The following MASP2 variants were observed in gnomAD, a reference collection of about 807,000 sequenced individuals.
MASP2 encodes the protein MBL associated serine protease 2.
Under a neutral mutation model 57.1 loss-of-function variants are expected in MASP2, and 49 were observed. The observed-to-expected ratio is 0.86, with a 90% CI of 0.68 to 1.09. The LOEUF (loss-of-function observed/expected upper bound fraction) is 1.09, where lower values mean the gene tolerates loss of function less well. MASP2 is among the 50% of genes least tolerant of loss of function. The pLI is 0.00. For synonymous variants in MASP2, 379 were observed against 340.8 expected (o/e 1.11, Z -1.24); for missense variants, 900 against 874.8 (o/e 1.03, Z -0.36).
chr1:11,041,750 G>GGATAGATAGA (rs1638455186), intron 6 of MASP2, among the ~76,000 whole-genome samples: 2 of 770 alleles, frequency 2.6e-3, no homozygotes, highest in African/African-American at 4.7e-3. Flanking sequence ...GAATGGGTGG[G>GGATAGATAGA]TGGGTGGATG....
At chr1:11,044,284 C>T (rs916679201) in intron 4 of MASP2, among the ~76,000 whole-genome samples, 8 of 152,102 alleles carry the variant, frequency 5.3e-5, no homozygotes, top group African/African-American at 9.7e-5. Flanking sequence ...GCTGCTGCCA[C>T]GGGCGGGGTG....
intron 5 of MASP2, 87 bp from the exon 6 acceptor site, chr1:11,043,109 A>G: frequency 6.8e-7 from 1 of 1,462,870 alleles, no homozygotes; most frequent in East Asian, 2.3e-5. Context: ...TCAGCATTTC[A>G]GGGACAGCCA....
At chr1:11,043,807 G>A (rs897274254) in intron 4 of MASP2, among the ~76,000 whole-genome samples, 8 of 151,964 alleles carry the variant, frequency 5.3e-5, no homozygotes, top group Admixed American at 2.0e-4. Flanking sequence ...GGGATGGAGC[G>A]CACAGGCCCT....
chr1:11,043,441 G>T lies in MASP2; in HGVS notation c.639C>A (p.Tyr213Ter). Residue 213 changes from tyrosine (Y) to a stop codon, truncating the protein, a stop_gained, in exon 5 of 11, where the codon TAC (tyrosine) becomes TAA (stop). Coordinates refer to ENST00000400897, the MANE Select transcript of MASP2 (RefSeq NM_006610.4). LOFTEE classifies it high-confidence loss of function. ...TGAACCCCTCCTCCAGGCTGATGCT[G>T]TAAGTGCAACTGGAGAGTTTGGGAT... ...RPYPKLSSCT[Y>*]SISLEEGFSV... The T allele has an allele frequency of 6.2e-7, 1 of 1,610,880 alleles. No homozygotes were observed.
intron 6 of MASP2, 146 bp downstream of exon 6, chr1:11,042,729 G>T: frequency 1.1e-6 from 1 of 882,690 alleles, no homozygotes; most frequent in Non-Finnish European, 1.7e-6. Flanking sequence ...TTAGAAGACT[G>T]CTGCCTCAGA....
intron 8 of MASP2, 92 bp from the exon 9 acceptor site, chr1:11,030,974 G>C: frequency 7.4e-7 from 1 of 1,342,972 alleles, no homozygotes. Flanking sequence ...AGGCTGAGGC[G>C]GGCAAATCCC....
chr1:11,045,315 G>C (rs772694513), intron 4 of MASP2, 93 bp downstream of exon 4: 9 of 1,583,062 alleles, frequency 5.7e-6, no homozygotes, highest in Admixed American at 1.7e-5. Flanking sequence ...CAGGGCCCAG[G>C]CCCTCCGCAC....
chr1:11,035,660 C>T (rs761994138), intron 7 of MASP2, among the ~76,000 whole-genome samples: 6 of 151,848 alleles, frequency 4.0e-5, no homozygotes, highest in South Asian at 2.1e-4. Context: ...ATTGGGAGGC[C>T]GAGGTGGGAG....
Position 11,036,528 on chromosome 1 carries a change from A to C in MASP2, c.1008+1165T>G, listed in dbSNP as rs77851772. ...TCCGTCTCAAAAAAAAAAAAAAAAAAAAAAAAAAACAAAAAAAAAAGAAAC... is the reference window on the plus strand; with the variant it reads ...TCCGTCTCAAAAAAAAAAAAAAAAACAAAAAAAAACAAAAAAAAAAGAAAC... On this transcript the variant is annotated intron_variant, in intron 7 of 10. Transcript: ENST00000400897. 6.3e-3 allele frequency among the ~76,000 whole-genome samples: 890 copies of C among 141,698 alleles called. 12 individuals carry two copies. The highest frequency in any genetic ancestry group is 0.019 in the African/African-American group (673 of 35,048). The allele number at this position is 141,698 out of a possible 152,430, so 93.0% of individuals were successfully genotyped here.
In MASP2 at chr1:11,043,468, C is replaced by T. The variant is rs72550853; in HGVS notation, c.612G>A (p.Pro204=). 1.5e-3 allele frequency: 2,376 copies of T among 1,610,056 alleles called. 33 individuals are homozygous for T. The African/African-American group carries it at 0.028, about 19-fold the overall frequency. The stretch of plus-strand genomic sequence containing the variant: ...AAGTGCAACTGGAGAGTTTGGGATA[C>T]GGCCGTGGGTATTCAGGGCTGCTGA... ...GELSSPEYPR[P]YPKLSSCTYS... The change falls in exon 5 of 11, where the codon CCG becomes CCA. Residue 204 remains proline, a synonymous_variant. Coordinates refer to ENST00000400897, the MANE Select transcript of MASP2 (RefSeq NM_006610.4).
Position 11,046,543 on chromosome 1 carries a change from C to T in MASP2, c.412+13G>A. 6.2e-7 allele frequency: 1 copy of T among 1,613,730 alleles called. No homozygotes were observed. Among genetic ancestry groups the T allele is most frequent in the Non-Finnish European group, 8.5e-7 (1 of 1,179,972 alleles). ...GCGCAGACTGAGATGTTGCAGGACCCCTCTTGGCTCACCCTCGGCTGCATA... is the reference window on the plus strand; with the variant it reads ...GCGCAGACTGAGATGTTGCAGGACCTCTCTTGGCTCACCCTCGGCTGCATA... On this transcript the variant is annotated intron_variant, in intron 3 of 10. Coordinates refer to ENST00000400897, the MANE Select transcript of MASP2 (RefSeq NM_006610.4).
intron 8 of MASP2, among the ~76,000 whole-genome samples, chr1:11,031,365 TACA>T (rs906816143): frequency 6.9e-6 from 1 of 144,198 alleles, no homozygotes; most frequent in African/African-American, 2.6e-5. Flanking sequence ...CTACTAAAAA[TACA>T]AAAAAAAAAA....
intron 8 of MASP2, among the ~76,000 whole-genome samples, chr1:11,034,409 A>AC (rs1643873725): frequency 6.6e-6 from 1 of 151,112 alleles, no homozygotes; most frequent in Non-Finnish European, 1.5e-5. Context: ...AAAAAAAAAA[A>AC]CCAAGGATCC....
In MASP2 at chr1:11,026,878, A is replaced by T; in HGVS notation, c.*7T>A. 6.8e-7 allele frequency: 1 copy of T among 1,475,468 alleles called. No individual in the cohort carries two copies. 91.4% of individuals were successfully genotyped at this position (1,475,468 alleles called of 1,614,324 possible). The stretch of plus-strand genomic sequence containing the variant: ...AAATGAAGAATCCTTGACTGCAGAC[A>T]CGCAAGTTAAAAATCACTAATTATG... On this transcript the variant is annotated 3_prime_UTR_variant, in exon 11 of 11. Coordinates refer to ENST00000400897, the MANE Select transcript of MASP2 (RefSeq NM_006610.4).
chr1:11,035,005 G>A (rs552273894), intron 7 of MASP2, 99 bp from the exon 8 acceptor site: 19 of 794,164 alleles, frequency 2.4e-5, no homozygotes, highest in Non-Finnish European at 3.4e-5. Flanking sequence ...AGTGTTTTAC[G>A]AGGTGCTCCT....
intron 6 of MASP2, among the ~76,000 whole-genome samples, chr1:11,040,389 T>TA (rs79574441): frequency 1 from 151,399 of 151,402 alleles, 75,698 homozygotes; most frequent in Middle Eastern, 1. Flanking sequence ...GACTTGCTTG[T>TA]TCCAGGAGGC....
chr1:11,027,043 C>G lies in MASP2; in HGVS notation c.1903G>C (p.Gly635Arg). 1.3e-6 allele frequency: 2 copies of G among 1,595,312 alleles called. No individual in the cohort carries two copies. The highest frequency in any genetic ancestry group is 8.5e-7 in the Non-Finnish European group (1 of 1,170,794). The change falls in exon 11 of 11, where the codon GGG becomes CGG. Residue 635 changes from glycine to arginine, a missense_variant. By Grantham distance (125) the Gly-to-Arg change is moderately radical. Transcript: ENST00000400897. ...TCACTATCTAGAAACACCAGTGCCC[C>G]TCCGCTGTCACCTCTGCAGCTGTCC... is the stretch of plus-strand genomic sequence containing the variant. The part of the protein sequence containing the change: ...GKDSCRGDSG[G>R]ALVFLDSETE...
In MASP2 at chr1:11,043,395, C is replaced by A. The variant is rs867601234; in HGVS notation, c.685G>T (p.Glu229Ter). The stretch of plus-strand genomic sequence containing the variant: ...GGGTGTGTCTCCACATCGAAGGACT[C>A]CACAAAGTCCAGAATGACACTGAAC... ...EGFSVILDFVESFDVETHPET... is the reference protein window; with the variant it reads ...EGFSVILDFV The change falls in exon 5 of 11, where the codon GAG becomes TAG. Residue 229 changes from glutamate to a stop codon, truncating the protein, a stop_gained. Coordinates refer to ENST00000400897, the MANE Select transcript of MASP2 (RefSeq NM_006610.4). LOFTEE classifies it high-confidence loss of function. The A allele has an allele frequency of 6.2e-7, 1 of 1,610,240 alleles. No homozygotes were observed. The highest frequency in any genetic ancestry group is 1.3e-5 in the African/African-American group (1 of 74,866).
chr1:11,042,160 A>G (rs1004631311), intron 6 of MASP2, among the ~76,000 whole-genome samples: 1 of 150,618 alleles, frequency 6.6e-6, no homozygotes, highest in Non-Finnish European at 1.5e-5. Flanking sequence ...GGATGGAAGG[A>G]TGGATGGATG....
Sources: gnomAD v4.1 joint callset for allele counts (sites outside exome capture counted in the v4.1 genomes callset) on GRCh38, gnomAD v4.1.1 for gene constraint, MANE v1.5 for transcripts, NCBI Gene and HGNC (gene_info 2026-07-23, HGNC 2026-07-21) for gene names.